UNC5C: variants seen among roughly 807,000 people sequenced by gnomAD.
The protein encoded by UNC5C is unc-5 netrin receptor C.
A neutral mutation model predicts 99.8 loss-of-function variants in UNC5C; 47 were observed. The ratio of observed to expected loss-of-function variants is 0.47; its 90% CI spans 0.37 to 0.60. The LOEUF (loss-of-function observed/expected upper bound fraction) is 0.60, where lower values mean the gene tolerates loss of function less well. Among genes scored for constraint, UNC5C ranks in the 20% least tolerant of loss-of-function variants. The pLI is 0.00. For synonymous variants in UNC5C, 487 were observed against 452.2 expected, an observed-to-expected ratio of 1.08 and a Z score of -0.98; for missense variants, 1,062 against 1,165.9, an observed-to-expected ratio of 0.91 and a Z score of 1.30.
At chr4:95,288,853 A>C (rs1035117522) in intron 3 of UNC5C, among the ~76,000 whole-genome samples, 6 of 152,214 alleles carry the variant, frequency 3.9e-5, no homozygotes, top group African/African-American at 1.4e-4. Flanking sequence ...ATGTCAGAAA[A>C]TCTCTCCATC....
chr4:95,482,177 A>G, intron 1 of UNC5C, among the ~76,000 whole-genome samples: 1 of 151,686 alleles, frequency 6.6e-6, no homozygotes, highest in Admixed American at 6.6e-5. Context: ...AAACAAACAA[A>G]CCCATCAAAA....
intron 7 of UNC5C, among the ~76,000 whole-genome samples, chr4:95,226,129 G>A (rs893247117): frequency 5.3e-5 from 8 of 152,098 alleles, no homozygotes; most frequent in Admixed American, 5.2e-4. Context: ...ATTGTTTTTC[G>A]GTTGCTACCG....
intron 2 of UNC5C, among the ~76,000 whole-genome samples, chr4:95,322,216 AATG>A (rs1426606514): frequency 1.3e-5 from 2 of 152,248 alleles, no homozygotes; most frequent in Non-Finnish European, 2.9e-5. Context: ...CTGAATTTAA[AATG>A]ATTACATGGA....
chr4:95,536,322 G>A (rs965374018), intron 1 of UNC5C, among the ~76,000 whole-genome samples: 4 of 151,902 alleles, frequency 2.6e-5, no homozygotes, highest in South Asian at 2.1e-4. Context: ...GCGATCCACC[G>A]GCCTTGGCCT....
chr4:95,177,755 G>A (rs1254012297), intron 14 of UNC5C, among the ~76,000 whole-genome samples: 1 of 152,280 alleles, frequency 6.6e-6, no homozygotes, highest in South Asian at 2.1e-4. Flanking sequence ...AGGCTGGAGT[G>A]CCATGGTGTG....
Position 95,548,900 on chromosome 4 carries a change from G to C in UNC5C, c.-43C>G. On this transcript the variant is annotated 5_prime_UTR_variant, in exon 1 of 16. Transcript: ENST00000453304. ...CGGGGGGAGGGGAGGGGGACAGAGA[G>C]ACGCGCAAACAGCTGAAAGCCCCAC... 1 of 1,608,654 alleles carries C rather than the reference G, an allele frequency of 6.2e-7. No homozygotes were observed. Among genetic ancestry groups the C allele is most frequent in the South Asian group, 1.1e-5 (1 of 90,720 alleles).
chr4:95,234,374 C>T (rs1041239441), intron 7 of UNC5C, among the ~76,000 whole-genome samples: 6 of 125,392 alleles, frequency 4.8e-5, no homozygotes, highest in Admixed American at 3.2e-4. Context: ...CACGCCAAAT[C>T]GCTTACCTTT....
chr4:95,176,475 G>C (rs554948519), intron 14 of UNC5C, among the ~76,000 whole-genome samples: 8 of 152,264 alleles, frequency 5.3e-5, no homozygotes, highest in African/African-American at 1.7e-4. Flanking sequence ...AGGACCCTCA[G>C]CTGCAGGTCT....
chr4:95,417,681 C>T (rs563771312), intron 1 of UNC5C, among the ~76,000 whole-genome samples: 30 of 152,182 alleles, frequency 2.0e-4, no homozygotes, highest in African/African-American at 6.3e-4. Context: ...CAGGAAGGAA[C>T]GGGGGCAGGC....
At chr4:95,506,123 T>C (rs1340518495) in intron 1 of UNC5C, among the ~76,000 whole-genome samples, 1 of 152,070 alleles carries the variant, frequency 6.6e-6, no homozygotes, top group African/African-American at 2.4e-5. Context: ...CATCTTAATC[T>C]TAACAGGTGG....
chr4:95,260,449 A>G (rs115863493), intron 4 of UNC5C, among the ~76,000 whole-genome samples: 157 of 152,240 alleles, frequency 1.0e-3, no homozygotes, highest in Middle Eastern at 6.8e-3. Context: ...TTCTGGGCAG[A>G]CTTGGTGACC....
chr4:95,258,116 G>T (rs1187797805), intron 4 of UNC5C, among the ~76,000 whole-genome samples: 1 of 152,146 alleles, frequency 6.6e-6, no homozygotes, highest in Admixed American at 6.5e-5. Context: ...TCCACAATGA[G>T]TCTCCTTATA....
intron 7 of UNC5C, among the ~76,000 whole-genome samples, chr4:95,224,617 T>A (rs1452789233): frequency 1.3e-5 from 2 of 152,094 alleles, no homozygotes; most frequent in African/African-American, 4.8e-5. Flanking sequence ...CATTCATTCA[T>A]TCATTCATTC....
chr4:95,321,249 C>T (rs10006102), intron 2 of UNC5C, among the ~76,000 whole-genome samples: 59,758 of 151,894 alleles, frequency 0.39, 13,582 homozygotes, highest in East Asian at 0.83. Flanking sequence ...TTGCAAATAT[C>T]GGAATTACCA....
chr4:95,175,040 GTT>G (rs1228720207), intron 14 of UNC5C, among the ~76,000 whole-genome samples: 1 of 151,960 alleles, frequency 6.6e-6, no homozygotes, highest in Non-Finnish European at 1.5e-5. Flanking sequence ...TTTAAAGTCT[GTT>G]TTATCAGAGA....
chr4:95,379,828 A>T (rs1745010005), intron 1 of UNC5C, among the ~76,000 whole-genome samples: 1 of 152,252 alleles, frequency 6.6e-6, no homozygotes. Context: ...AGGCGCTAAG[A>T]TACGGAGGTG....
chr4:95,273,410 C>T (rs1472882056), intron 4 of UNC5C, among the ~76,000 whole-genome samples: 1 of 152,098 alleles, frequency 6.6e-6, no homozygotes, highest in Non-Finnish European at 1.5e-5. Flanking sequence ...TAAAGCATCT[C>T]GGAATATATT....
chr4:95,354,495 T>TTTTTTTTTTTTAA (rs1560800980), intron 1 of UNC5C, among the ~76,000 whole-genome samples: 3 of 78,146 alleles, frequency 3.8e-5, no homozygotes, highest in Non-Finnish European at 5.2e-5. Context: ...TTTTTTTTTT[T>TTTTTTTTTTTTAA]AAGAGACAGG....
intron 1 of UNC5C, among the ~76,000 whole-genome samples, chr4:95,354,384 C>T (rs1483556922): frequency 1.3e-5 from 2 of 151,020 alleles, no homozygotes; most frequent in African/African-American, 4.9e-5. Flanking sequence ...AAACACAGAC[C>T]CTGTATCATC....
Sources: allele counts gnomAD v4.1 joint callset (sites outside exome capture counted in the v4.1 genomes callset), GRCh38; gene constraint gnomAD v4.1.1; transcripts MANE v1.5; gene names NCBI Gene and HGNC (gene_info 2026-07-23, HGNC 2026-07-21).